KCNG3: variants seen among roughly 807,000 people sequenced by gnomAD.
The protein encoded by KCNG3 is potassium voltage-gated channel modifier subfamily G member 3.
KCNG3 carries 15 observed loss-of-function variants against 29.0 expected under a neutral mutation model. The ratio of observed to expected loss-of-function variants is 0.52; its 90% CI spans 0.35 to 0.80. The LOEUF (loss-of-function observed/expected upper bound fraction) is 0.80. Ranked by LOEUF, KCNG3 falls within the 30% of genes least tolerant of loss-of-function variation. The pLI is 0.01. For missense variants in KCNG3, 512 were observed against 605.7 expected, an observed-to-expected ratio of 0.85 and a Z score of 1.62; for synonymous variants, 322 against 248.9, an observed-to-expected ratio of 1.29 and a Z score of -2.76.
the KCNG3 span, among the ~76,000 whole-genome samples, chr2:42,393,617 T>G: frequency 6.6e-6 from 1 of 152,064 alleles, no homozygotes; most frequent in Non-Finnish European, 1.5e-5. Context: ...TACAGCAGCT[T>G]CATAGTACTG....
chr2:42,485,090 C>T (rs554853839), intron 1 of KCNG3, among the ~76,000 whole-genome samples: 3 of 152,140 alleles, frequency 2.0e-5, no homozygotes, highest in South Asian at 4.1e-4. Context: ...TTTAAATTTC[C>T]ATCACCTGGT....
chr2:42,440,734 G>A (rs996036219), downstream of KCNG3, among the ~76,000 whole-genome samples: 3 of 152,204 alleles, frequency 2.0e-5, no homozygotes, highest in Non-Finnish European at 4.4e-5. Flanking sequence ...AAATGCAACT[G>A]TTTCAATTAG....
chr2:42,465,225 T>C lies in KCNG3; in HGVS notation c.666-20646A>G, dbSNP rs79265491. 2.0e-3 allele frequency among the ~76,000 whole-genome samples: 308 copies of C among 151,908 alleles called. 5 individuals carry two copies. In the East Asian group the frequency reaches 0.036, roughly 18 times the overall value. ...ATTTAATTTCTTTCTTTCTTTCTTT[T>C]TTTTTTTTTGAAACAGGGTTTGGCT... On this transcript the variant is annotated intron_variant, in intron 1 of 1. Coordinates refer to ENST00000306078, the MANE Select transcript of KCNG3 (RefSeq NM_133329.6).
At chr2:42,441,402 T>C (rs1303726859), downstream of KCNG3, among the ~76,000 whole-genome samples, 1 of 151,484 alleles carries the variant, frequency 6.6e-6, no homozygotes, top group East Asian at 1.9e-4. Context: ...AAAAAATAAA[T>C]AGATAAATAA....
the KCNG3 span, among the ~76,000 whole-genome samples, chr2:42,397,599 T>C: frequency 6.6e-6 from 1 of 152,186 alleles, no homozygotes; most frequent in Admixed American, 6.5e-5. Flanking sequence ...TATTGTGATA[T>C]TAGGTATAAA....
At chr2:42,397,515 A>G in the KCNG3 span, among the ~76,000 whole-genome samples, 4 of 152,172 alleles carry the variant, frequency 2.6e-5, no homozygotes, top group Non-Finnish European at 5.9e-5. Flanking sequence ...CAACTTTGGA[A>G]TTATGGTTTA....
the KCNG3 span, among the ~76,000 whole-genome samples, chr2:42,405,163 G>C: frequency 6.6e-6 from 1 of 152,218 alleles, no homozygotes; most frequent in Non-Finnish European, 1.5e-5. Flanking sequence ...TAACTATCCA[G>C]TGCCAATCAA....
the KCNG3 span, among the ~76,000 whole-genome samples, chr2:42,417,885 T>C: frequency 1.3e-5 from 2 of 151,816 alleles, no homozygotes; most frequent in African/African-American, 4.8e-5. Context: ...GGCAGGAGAA[T>C]TGCTTGAATC....
intron 1 of KCNG3, among the ~76,000 whole-genome samples, chr2:42,488,436 T>C (rs574294086): frequency 3.4e-4 from 51 of 152,094 alleles, no homozygotes; most frequent in Non-Finnish European, 4.7e-4. Context: ...GTGCAGTTGC[T>C]GAATCATAGT....
rs543126043 is a variant in KCNG3, at chr2:42,473,325, T to C, written c.665+19512A>G. On this transcript the variant is annotated intron_variant, in intron 1 of 1. Transcript: ENST00000306078. ...ATGACTTTTATGCATAATTTCCTCT[T>C]CTACCATTGTAAAGCATGTTTCTTT... Among the ~76,000 whole-genome samples the C allele has an allele frequency of 2.6e-5, 4 of 152,216 alleles. No individual in the cohort carries two copies. In the East Asian group the frequency reaches 7.7e-4, roughly 29 times the overall value.
At chr2:42,388,539 G>C in the KCNG3 span, 1 of 152,182 alleles carries the variant, frequency 6.6e-6, no homozygotes, top group Non-Finnish European at 1.5e-5. Flanking sequence ...GGGGTGCAGG[G>C]CTCTCTTCCT....
intron 1 of KCNG3, among the ~76,000 whole-genome samples, chr2:42,492,286 G>C (rs1673899832): frequency 6.6e-6 from 1 of 152,160 alleles, no homozygotes; most frequent in Non-Finnish European, 1.5e-5. Flanking sequence ...AAAGGGCACA[G>C]ACATCCATTA....
chr2:42,426,840 G>A, the KCNG3 span, among the ~76,000 whole-genome samples: 1 of 152,156 alleles, frequency 6.6e-6, no homozygotes, highest in African/African-American at 2.4e-5. Flanking sequence ...AGACAGAAGT[G>A]TTCTATTTTA....
intron 1 of KCNG3, among the ~76,000 whole-genome samples, chr2:42,487,914 G>A (rs1417724346): frequency 6.6e-6 from 1 of 152,136 alleles, no homozygotes; most frequent in Non-Finnish European, 1.5e-5. Context: ...GCAGAATCAG[G>A]GAGCTCTTGG....
the KCNG3 span, among the ~76,000 whole-genome samples, chr2:42,395,824 C>T: frequency 6.6e-6 from 1 of 151,856 alleles, no homozygotes; most frequent in African/African-American, 2.4e-5. Flanking sequence ...TGTGGTGGCA[C>T]ACACCTGTAG....
chr2:42,465,374 G>A (rs1034527846), intron 1 of KCNG3, among the ~76,000 whole-genome samples: 5 of 151,606 alleles, frequency 3.3e-5, no homozygotes, highest in African/African-American at 9.7e-5. Flanking sequence ...GCACCACCAC[G>A]CCCAACTAGT....
Position 42,465,119 on chromosome 2 carries a change from T to C in KCNG3, c.666-20540A>G, listed in dbSNP as rs76214191. On this transcript the variant is annotated intron_variant, in intron 1 of 1. Coordinates refer to ENST00000306078, the MANE Select transcript of KCNG3 (RefSeq NM_133329.6). Reference sequence around the variant, plus strand: ...ATAATGCATTACTATCCTTACTTCATACCACACACAAAAATTAATGAGAAT... The same window carrying C: ...ATAATGCATTACTATCCTTACTTCACACCACACACAAAAATTAATGAGAAT... Among the ~76,000 whole-genome samples, 93 of 152,292 alleles carry C rather than the reference T, an allele frequency of 6.1e-4. 1 individual carries two copies. In the East Asian group the frequency reaches 0.018, roughly 29 times the overall value.
At chr2:42,466,055 C>T (rs1673135027) in intron 1 of KCNG3, among the ~76,000 whole-genome samples, 1 of 152,098 alleles carries the variant, frequency 6.6e-6, no homozygotes, top group African/African-American at 2.4e-5. Context: ...GACAGTAGTT[C>T]CATAAGATTA....
the KCNG3 span, among the ~76,000 whole-genome samples, chr2:42,394,952 A>G: frequency 2.6e-5 from 4 of 152,328 alleles, no homozygotes; most frequent in South Asian, 8.3e-4. Context: ...GTACTGAGCA[A>G]TTCATCTTCC....
Sources: allele counts gnomAD v4.1 joint callset (sites outside exome capture counted in the v4.1 genomes callset), GRCh38; gene constraint gnomAD v4.1.1; transcripts MANE v1.5; gene names NCBI Gene and HGNC (gene_info 2026-07-23, HGNC 2026-07-21).